Variants in CPNE8 observed in about 807,000 individuals in gnomAD.
CPNE8 encodes copine 8, also known as copine-8.
In CPNE8, 45 loss-of-function variants were observed where a neutral mutation model predicts 81.5. That is an observed-to-expected ratio of 0.55 (90% CI 0.44 to 0.71). The LOEUF (loss-of-function observed/expected upper bound fraction) is 0.71, where lower values mean the gene tolerates loss of function less well. CPNE8 is among the 30% of genes least tolerant of loss of function. The pLI is 0.00. For missense variants in CPNE8, 594 were observed against 672.1 expected, an observed-to-expected ratio of 0.88 and a Z score of 1.28; for synonymous variants, 252 against 226.3, an observed-to-expected ratio of 1.11 and a Z score of -1.02.
intron 1 of CPNE8, 28 bp from the exon 2 acceptor site, chr12:38,874,539 T>G (rs1448563374): frequency 6.4e-7 from 1 of 1,557,288 alleles, no homozygotes; most frequent in Non-Finnish European, 8.8e-7. Context: ...AAATGTTAGC[T>G]GGATATAAAA....
At chr12:38,703,981 T>C (rs865930018) in intron 13 of CPNE8, among the ~76,000 whole-genome samples, 4 of 152,276 alleles carry the variant, frequency 2.6e-5, no homozygotes, top group African/African-American at 9.6e-5. Flanking sequence ...GCCGATACCC[T>C]AGGCAAATTA....
intron 1 of CPNE8, among the ~76,000 whole-genome samples, chr12:38,895,905 C>G (rs1944382116): frequency 6.6e-6 from 1 of 152,044 alleles, no homozygotes; most frequent in Admixed American, 6.6e-5. Flanking sequence ...CTCAACTTTG[C>G]CACTTACTAG....
At chr12:38,676,237 A>G in intron 17 of CPNE8, 1 of 860,226 alleles carries the variant, frequency 1.2e-6, no homozygotes, top group Non-Finnish European at 1.4e-6. Flanking sequence ...CAAAATTGTT[A>G]ATACAGAATA....
chr12:38,688,331 T>C (rs1939581575), intron 15 of CPNE8, among the ~76,000 whole-genome samples: 4 of 152,202 alleles, frequency 2.6e-5, no homozygotes, highest in Admixed American at 2.6e-4. Context: ...TGCTCTAAGG[T>C]TTCCTCATAT....
chr12:38,829,597 T>A (rs1048349432), intron 5 of CPNE8, 142 bp from the exon 6 acceptor site: 1 of 613,260 alleles, frequency 1.6e-6, no homozygotes, highest in African/African-American at 1.8e-5. Context: ...ATAAGCTCAA[T>A]ATGCATTAAT....
At chr12:38,752,866 T>A (rs115903505) in intron 10 of CPNE8, among the ~76,000 whole-genome samples, 2,343 of 152,286 alleles carry the variant, frequency 0.015, 53 homozygotes, top group African/African-American at 0.052. Context: ...CTATTTGATG[T>A]TTTGAACTTG....
At chr12:38,833,745 T>C (rs1201643343) in intron 5 of CPNE8, among the ~76,000 whole-genome samples, 1 of 152,082 alleles carries the variant, frequency 6.6e-6, no homozygotes, top group Non-Finnish European at 1.5e-5. Context: ...CCCAAAGTGC[T>C]GGGATTACAG....
chr12:38,671,131 G>A (rs774804945), intron 18 of CPNE8: 2 of 193,888 alleles, frequency 1.0e-5, no homozygotes, highest in Non-Finnish European at 2.1e-5. Context: ...CGGGTTATAT[G>A]GTTGCATGAC....
At chr12:38,836,730 A>G (rs1369406825) in intron 5 of CPNE8, among the ~76,000 whole-genome samples, 1 of 152,184 alleles carries the variant, frequency 6.6e-6, no homozygotes, top group African/African-American at 2.4e-5. Flanking sequence ...TTAATGAATC[A>G]TATCCTCAGG....
At chr12:38,690,467 T>C (rs1208762807) in intron 15 of CPNE8, among the ~76,000 whole-genome samples, 1 of 152,222 alleles carries the variant, frequency 6.6e-6, no homozygotes, top group East Asian at 1.9e-4. Context: ...ATCATCAACA[T>C]AATCATTGTT....
intron 4 of CPNE8, among the ~76,000 whole-genome samples, chr12:38,841,524 T>C (rs1430868239): frequency 6.6e-6 from 1 of 152,164 alleles, no homozygotes; most frequent in Non-Finnish European, 1.5e-5. Flanking sequence ...GAATGTTAGC[T>C]GCCAGTAAGT....
chr12:38,861,039 A>C (rs1943824599), intron 3 of CPNE8, among the ~76,000 whole-genome samples: 1 of 152,200 alleles, frequency 6.6e-6, no homozygotes, highest in Non-Finnish European at 1.5e-5. Context: ...TATACAATGG[A>C]ATATTATTCA....
At chr12:38,659,558 C>A (rs578183589) in intron 19 of CPNE8, among the ~76,000 whole-genome samples, 104 of 152,296 alleles carry the variant, frequency 6.8e-4, no homozygotes, top group African/African-American at 2.3e-3. Flanking sequence ...TAATAGACAT[C>A]TACAGAACTC....
chr12:38,712,808 T>C (rs751909818), intron 13 of CPNE8, among the ~76,000 whole-genome samples: 14 of 152,196 alleles, frequency 9.2e-5, no homozygotes, highest in Non-Finnish European at 1.5e-4. Flanking sequence ...GGGGTTATCC[T>C]CAAATAGAAA....
intron 6 of CPNE8, among the ~76,000 whole-genome samples, chr12:38,791,681 C>T (rs940666589): frequency 6.6e-6 from 1 of 151,296 alleles, no homozygotes; most frequent in Admixed American, 6.6e-5. Flanking sequence ...ATGTATAGAA[C>T]AACCAGACAA....
intron 19 of CPNE8, among the ~76,000 whole-genome samples, chr12:38,668,613 C>A (rs1939108348): frequency 6.6e-6 from 1 of 152,162 alleles, no homozygotes; most frequent in South Asian, 2.1e-4. Context: ...CTAAAGACTT[C>A]AAATTCATAC....
At chr12:38,663,876 AAAAT>A in intron 19 of CPNE8, among the ~76,000 whole-genome samples, 1 of 152,272 alleles carries the variant, frequency 6.6e-6, no homozygotes, top group African/African-American at 2.4e-5. Context: ...CAGGCACAGA[AAAAT>A]AAATACCACA....
intron 3 of CPNE8, among the ~76,000 whole-genome samples, chr12:38,864,394 T>G (rs368026376): frequency 8.5e-5 from 13 of 152,092 alleles, no homozygotes; most frequent in African/African-American, 2.9e-4. Flanking sequence ...ATCTTTGCCC[T>G]GGCTCCTATT....
At chr12:38,901,329 T>G (rs1944458918) in intron 1 of CPNE8, among the ~76,000 whole-genome samples, 1 of 152,234 alleles carries the variant, frequency 6.6e-6, no homozygotes, top group Non-Finnish European at 1.5e-5. Flanking sequence ...TTCTCACTGC[T>G]TTTATTATTG....
Sources: gnomAD v4.1 joint callset for allele counts (sites outside exome capture counted in the v4.1 genomes callset) on GRCh38, gnomAD v4.1.1 for gene constraint, MANE v1.5 for transcripts, NCBI Gene and HGNC (gene_info 2026-07-23, HGNC 2026-07-21) for gene names.